The following PDE1A variants were observed in gnomAD, a reference collection of about 807,000 sequenced individuals.
The protein encoded by PDE1A is dual specificity calcium/calmodulin-dependent 3',5'-cyclic nucleotide phosphodiesterase 1A.
A neutral mutation model predicts 61.7 loss-of-function variants in PDE1A; 35 were observed. The ratio of observed to expected loss-of-function variants is 0.57; its 90% CI spans 0.43 to 0.75. The LOEUF (loss-of-function observed/expected upper bound fraction) is 0.75. PDE1A is among the 30% of genes least tolerant of loss of function. The pLI is 0.00. For missense variants in PDE1A, 597 were observed against 630.6 expected (o/e 0.95, Z 0.57); for synonymous variants, 232 against 213.2 (o/e 1.09, Z -0.77).
At chr2:182,330,048 T>A (rs111979698) in intron 1 of PDE1A, among the ~76,000 whole-genome samples, 1,683 of 152,216 alleles carry the variant, frequency 0.011, 24 homozygotes, top group South Asian at 0.068. Context: ...CAAATTACCA[T>A]CTGTTATTTC....
the PDE1A span, among the ~76,000 whole-genome samples, chr2:182,673,492 A>G: frequency 6.6e-6 from 1 of 152,170 alleles, no homozygotes; most frequent in Non-Finnish European, 1.5e-5. Context: ...GCATGCTAAG[A>G]AAAGTTAAAC....
At chr2:182,558,007 A>C in the PDE1A span, among the ~76,000 whole-genome samples, 28 of 152,244 alleles carry the variant, frequency 1.8e-4, no homozygotes, top group Admixed American at 1.6e-3. Flanking sequence ...TCAAAGTTTA[A>C]TTAGTAAGTA....
At chr2:182,617,482 T>C in the PDE1A span, among the ~76,000 whole-genome samples, 1 of 152,242 alleles carries the variant, frequency 6.6e-6, no homozygotes, top group East Asian at 1.9e-4. Flanking sequence ...ACTGTAACCA[T>C]GAGAACAACA....
upstream of PDE1A, among the ~76,000 whole-genome samples, chr2:182,427,398 C>G (rs1391056216): frequency 6.6e-6 from 1 of 151,994 alleles, no homozygotes; most frequent in Non-Finnish European, 1.5e-5. Context: ...GTTAGAAAAA[C>G]AAAAATTGCT....
chr2:182,181,934 T>C (rs1454767756), intron 13 of PDE1A, among the ~76,000 whole-genome samples: 1 of 152,226 alleles, frequency 6.6e-6, no homozygotes, highest in Middle Eastern at 3.2e-3. Flanking sequence ...GTGTCCTTCA[T>C]TCCTGTGGTG....
chr2:182,486,777 T>A (rs1688050937), intron 2 of PDE1A, among the ~76,000 whole-genome samples: 1 of 152,088 alleles, frequency 6.6e-6, no homozygotes, highest in South Asian at 2.1e-4. Context: ...ACACAAAGAT[T>A]AACTCAAATA....
rs1480063283 is a variant in PDE1A, at chr2:182,186,520, G to A, written c.1276C>T (p.Pro426Ser). 7 of 1,612,720 alleles carry A rather than the reference G, an allele frequency of 4.3e-6. No homozygotes were observed. The highest frequency in any genetic ancestry group is 1.3e-5 in the African/African-American group (1 of 74,874). Reference sequence around the variant, plus strand: ...GCTTTTGAGGCTTCCTCTATAAGAGGAATAACAATTTTCTCTGTTGAGTCT... The same window carrying A: ...GCTTTTGAGGCTTCCTCTATAAGAGAAATAACAATTTTCTCTGTTGAGTCT... The change falls in exon 12 of 14, where the codon CCT becomes TCT. Residue 426 changes from proline (P) to serine (S), a missense_variant. Pro to Ser is a moderately conservative substitution (Grantham distance 74). Transcript: ENST00000351439.
the PDE1A span, among the ~76,000 whole-genome samples, chr2:182,539,039 T>C: frequency 2.6e-4 from 40 of 152,298 alleles, no homozygotes; most frequent in African/African-American, 9.4e-4. Context: ...AGCTCTGATT[T>C]ATGTGTCAAT....
intron 10 of PDE1A, among the ~76,000 whole-genome samples, chr2:182,190,168 A>T (rs1243034928): frequency 6.6e-6 from 1 of 152,238 alleles, no homozygotes; most frequent in Non-Finnish European, 1.5e-5. Flanking sequence ...TTATAGACAG[A>T]AAGTCTAGAA....
chr2:182,219,201 C>T (rs1229155257), intron 7 of PDE1A, among the ~76,000 whole-genome samples: 2 of 152,066 alleles, frequency 1.3e-5, no homozygotes, highest in Non-Finnish European at 2.9e-5. Flanking sequence ...TATGCTTCAT[C>T]ACCCATTTAA....
intron 1 of PDE1A, among the ~76,000 whole-genome samples, chr2:182,354,190 C>T (rs1330754159): frequency 6.6e-6 from 1 of 152,110 alleles, no homozygotes; most frequent in Non-Finnish European, 1.5e-5. Flanking sequence ...ACTTTGAAGG[C>T]TGTTTGTCAC....
At chr2:182,394,247 C>G (rs1216070664) in intron 1 of PDE1A, among the ~76,000 whole-genome samples, 2 of 152,096 alleles carry the variant, frequency 1.3e-5, no homozygotes, top group Non-Finnish European at 2.9e-5. Flanking sequence ...TTGCGGGGGG[C>G]CTCACAATCA....
At chr2:182,444,683 C>A (rs1009206167) in intron 2 of PDE1A, among the ~76,000 whole-genome samples, 1 of 151,838 alleles carries the variant, frequency 6.6e-6, no homozygotes, top group Admixed American at 6.6e-5. Context: ...GAAATAATGG[C>A]AGCTCAGTAG....
intron 1 of PDE1A, chr2:182,522,593 C>CA: frequency 7.4e-7 from 1 of 1,357,044 alleles, no homozygotes; most frequent in Non-Finnish European, 9.5e-7. Context: ...CCTAAGCAGA[C>CA]AGCAGTATAA....
chr2:182,336,560 T>C (rs1199982346), intron 1 of PDE1A, among the ~76,000 whole-genome samples: 6 of 151,480 alleles, frequency 4.0e-5, no homozygotes, highest in Admixed American at 3.3e-4. Flanking sequence ...TAAGTGGGAG[T>C]TGAACAATGA....
intron 2 of PDE1A, among the ~76,000 whole-genome samples, chr2:182,493,692 T>C (rs1015382783): frequency 2.6e-5 from 4 of 152,208 alleles, no homozygotes; most frequent in Non-Finnish European, 4.4e-5. Flanking sequence ...CTGTCAATTA[T>C]AGATTGGATT....
chr2:182,234,523 A>G (rs1689852675), intron 3 of PDE1A, 25 bp from the exon 4 acceptor site: 1 of 1,429,796 alleles, frequency 7.0e-7, no homozygotes, highest in African/African-American at 1.4e-5. Flanking sequence ...AATAAGTGTA[A>G]ATATAAAATT....
intron 13 of PDE1A, among the ~76,000 whole-genome samples, chr2:182,177,974 C>A (rs572451961): frequency 6.6e-6 from 1 of 152,054 alleles, no homozygotes; most frequent in Non-Finnish European, 1.5e-5. Flanking sequence ...ATTTTAAATA[C>A]ACTTAATTTA....
the PDE1A span, among the ~76,000 whole-genome samples, chr2:182,558,671 T>C: frequency 6.6e-6 from 1 of 152,190 alleles, no homozygotes; most frequent in Non-Finnish European, 1.5e-5. Flanking sequence ...TCTTTCATAG[T>C]GCATGACAAG....
Sources: allele counts gnomAD v4.1 joint callset (sites outside exome capture counted in the v4.1 genomes callset), GRCh38; gene constraint gnomAD v4.1.1; transcripts MANE v1.5; gene names NCBI Gene and HGNC (gene_info 2026-07-23, HGNC 2026-07-21).